Variants in SIRPG observed in about 807,000 individuals in gnomAD.
SIRPG encodes signal-regulatory protein gamma.
In SIRPG, 38 loss-of-function variants were observed where a neutral mutation model predicts 35.7. That is an observed-to-expected ratio of 1.06 (90% CI 0.82 to 1.40). SIRPG has a LOEUF of 1.40. Ranked by LOEUF, SIRPG falls within the 40% of genes most tolerant of loss-of-function variation. The pLI, the probability that SIRPG is intolerant of heterozygous loss-of-function variation, is 0.00. For missense variants in SIRPG, 519 were observed against 483.0 expected, an observed-to-expected ratio of 1.07 and a Z score of -0.70; for synonymous variants, 215 against 190.4, an observed-to-expected ratio of 1.13 and a Z score of -1.06.
At chr20:1,660,098 T>G (rs1287229934), upstream of SIRPG, among the ~76,000 whole-genome samples, 1 of 152,172 alleles carries the variant, frequency 6.6e-6, no homozygotes, top group Non-Finnish European at 1.5e-5. Flanking sequence ...AGAAGTAAAT[T>G]CATAAACCAA....
At chr20:1,659,373 T>G (rs10211741), upstream of SIRPG, among the ~76,000 whole-genome samples, 37,081 of 152,150 alleles carry the variant, frequency 0.24, 5,294 homozygotes, top group East Asian at 0.62. Context: ...GTACACAGGG[T>G]GAAATCTTCC....
chr20:1,642,019 G>T (rs1398500301), intron 2 of SIRPG, among the ~76,000 whole-genome samples: 2 of 152,188 alleles, frequency 1.3e-5, no homozygotes, highest in African/African-American at 4.8e-5. Context: ...CAATTATGTG[G>T]TTGATTTTAG....
intron 4 of SIRPG, among the ~76,000 whole-genome samples, chr20:1,632,599 A>G (rs1482450047): frequency 6.6e-6 from 1 of 152,104 alleles, no homozygotes; most frequent in Non-Finnish European, 1.5e-5. Context: ...GTGCAGTTTT[A>G]CCTCCCTGAG....
chr20:1,673,237 G>A, the SIRPG span, among the ~76,000 whole-genome samples: 1 of 152,170 alleles, frequency 6.6e-6, no homozygotes, highest in African/African-American at 2.4e-5. Context: ...GGGATGAGAG[G>A]ATGTAATCAA....
chr20:1,683,873 G>A, the SIRPG span, among the ~76,000 whole-genome samples: 1 of 152,006 alleles, frequency 6.6e-6, no homozygotes, highest in Non-Finnish European at 1.5e-5. Context: ...GGAGGCTGAA[G>A]CAGGAGAATC....
chr20:1,658,513 A>G (rs987354110), upstream of SIRPG, among the ~76,000 whole-genome samples: 1 of 152,106 alleles, frequency 6.6e-6, no homozygotes, highest in African/African-American at 2.4e-5. Flanking sequence ...CAGAGCACCT[A>G]TTTCATTCAT....
At position 1,632,950 on chromosome 20, in the gene SIRPG, C is replaced by T. The variant is rs145021846; in HGVS notation, c.1081+2317G>A. Among the ~76,000 whole-genome samples, 80 of 151,852 alleles carry T rather than the reference C, an allele frequency of 5.3e-4. 1 individual carries two copies. The South Asian group carries it at 7.7e-3, about 15-fold the overall frequency. Reference sequence around the variant, plus strand: ...AACACAAAAACAATTTAAAAACTCACGGAAACAAAGTGGTCCTTTGAAAAG... The same window carrying T: ...AACACAAAAACAATTTAAAAACTCATGGAAACAAAGTGGTCCTTTGAAAAG... On this transcript the variant is annotated intron_variant, in intron 4 of 5. Coordinates refer to ENST00000303415, the MANE Select transcript of SIRPG (RefSeq NM_018556.4).
At chr20:1,683,400 A>G in the SIRPG span, among the ~76,000 whole-genome samples, 3 of 152,378 alleles carry the variant, frequency 2.0e-5, no homozygotes, top group Admixed American at 2.0e-4. Flanking sequence ...TTCTGGGTGT[A>G]TATCCAAAGG....
At chr20:1,668,214 T>C in the SIRPG span, among the ~76,000 whole-genome samples, 25 of 49,252 alleles carry the variant, frequency 5.1e-4, no homozygotes, top group African/African-American at 1.2e-3. Flanking sequence ...TTTCTTTCTT[T>C]CTTTCTTTCT....
intron 2 of SIRPG, among the ~76,000 whole-genome samples, chr20:1,645,422 A>G (rs6105462): frequency 0.26 from 39,217 of 151,942 alleles, 5,708 homozygotes; most frequent in East Asian, 0.62. Flanking sequence ...ATTTTTGTCA[A>G]AGTTTCCCAG....
chr20:1,651,675 G>A (rs182619712), intron 1 of SIRPG, among the ~76,000 whole-genome samples: 25 of 152,032 alleles, frequency 1.6e-4, no homozygotes, highest in Non-Finnish European at 3.2e-4. Context: ...CACTTTGACT[G>A]TTCATGGCTT....
chr20:1,642,146 T>G (rs2091857232), intron 2 of SIRPG, among the ~76,000 whole-genome samples: 1 of 152,220 alleles, frequency 6.6e-6, no homozygotes, highest in Non-Finnish European at 1.5e-5. Flanking sequence ...CTGAATATCC[T>G]TATTAATTTT....
At chr20:1,657,887 G>C (rs2091984932), upstream of SIRPG, 4 of 581,542 alleles carry the variant, frequency 6.9e-6, no homozygotes, top group African/African-American at 3.8e-5. Flanking sequence ...GGCACAGTAG[G>C]CAGCTACAAA....
chr20:1,648,529 G>A (rs1228205091), intron 2 of SIRPG: 2 of 152,212 alleles, frequency 1.3e-5, no homozygotes, highest in Admixed American at 1.3e-4. Flanking sequence ...GCTTGGTGTG[G>A]GGAAGAGCTA....
chr20:1,631,224 C>G (rs1188601358), intron 4 of SIRPG, among the ~76,000 whole-genome samples: 1 of 152,112 alleles, frequency 6.6e-6, no homozygotes, highest in Non-Finnish European at 1.5e-5. Context: ...AAATGGAGAA[C>G]TCAGCATCTG....
At chr20:1,669,141 T>C in the SIRPG span, among the ~76,000 whole-genome samples, 1 of 152,178 alleles carries the variant, frequency 6.6e-6, no homozygotes, top group Admixed American at 6.5e-5. Context: ...GAAGGGAATA[T>C]TTCTCTAATT....
At chr20:1,631,678 G>A (rs751919441) in intron 4 of SIRPG, among the ~76,000 whole-genome samples, 7 of 152,144 alleles carry the variant, frequency 4.6e-5, no homozygotes, top group East Asian at 1.9e-4. Context: ...TCATCAGCTC[G>A]CAATGAGGAC....
At position 1,635,541 on chromosome 20, in the gene SIRPG, G is replaced by C. The variant is rs2091791368; in HGVS notation, c.807C>G (p.Val269=). ...GGTAGAACTTCCTCACCTGGCAGGT[G>C]ACGTTTACCTGGTTCCCCACCCTCA... The part of the protein sequence containing the change: ...QPMRVGNQVN[V]TCQVRKFYPQ... Residue 269 remains valine (V), a synonymous_variant, in exon 4 of 6, where the codon GTC becomes GTG. Coordinates refer to ENST00000303415, the MANE Select transcript of SIRPG (RefSeq NM_018556.4). The C allele has an allele frequency of 2.5e-6, 4 of 1,614,192 alleles. No homozygotes were observed. In the East Asian group the frequency reaches 8.9e-5, roughly 36 times the overall value.
the SIRPG span, among the ~76,000 whole-genome samples, chr20:1,683,614 T>C: frequency 6.6e-6 from 1 of 152,000 alleles, no homozygotes; most frequent in Admixed American, 6.6e-5. Context: ...CTATGCTAAG[T>C]GAAATAAGCC....
Sources: gnomAD v4.1 joint callset for allele counts (sites outside exome capture counted in the v4.1 genomes callset) on GRCh38, gnomAD v4.1.1 for gene constraint, MANE v1.5 for transcripts, NCBI Gene and HGNC (gene_info 2026-07-23, HGNC 2026-07-21) for gene names.